The following ANKRD30B variants were observed in gnomAD, a reference collection of about 807,000 sequenced individuals.
ANKRD30B encodes ankyrin repeat domain-containing protein 30B.
ANKRD30B carries 144 observed loss-of-function variants against 202.2 expected under a neutral mutation model. The ratio of observed to expected loss-of-function variants is 0.71; its 90% confidence interval spans 0.62 to 0.82. ANKRD30B has a LOEUF of 0.82. Ranked by LOEUF, ANKRD30B falls within the 40% of genes least tolerant of loss-of-function variation. The pLI is 0.00. For missense variants in ANKRD30B, 1,487 were observed against 1,669.1 expected, an observed-to-expected ratio of 0.89 and a Z score of 1.90; for synonymous variants, 508 against 561.3, an observed-to-expected ratio of 0.91 and a Z score of 1.34.
At chr18:14,910,693 A>T in the ANKRD30B span, among the ~76,000 whole-genome samples, 1 of 152,026 alleles carries the variant, frequency 6.6e-6, no homozygotes, top group Non-Finnish European at 1.5e-5. Context: ...GTTATTTGAG[A>T]AATCTCCATT....
chr18:14,811,250 C>T (rs1222990664), intron 28 of ANKRD30B, among the ~76,000 whole-genome samples: 1 of 151,720 alleles, frequency 6.6e-6, no homozygotes, highest in African/African-American at 2.4e-5. Context: ...CTCGTTGTCT[C>T]GCCCAGGCTG....
chr18:14,869,386 G>T, the ANKRD30B span, among the ~76,000 whole-genome samples: 3 of 151,130 alleles, frequency 2.0e-5, no homozygotes, highest in Non-Finnish European at 3.0e-5. Context: ...TTCTTATGTT[G>T]TATGACAAGA....
At chr18:14,808,785 A>C in intron 26 of ANKRD30B, 41 bp downstream of exon 26, 1 of 1,411,122 alleles carries the variant, frequency 7.1e-7, no homozygotes, top group African/African-American at 1.5e-5. Context: ...AATTAAGAAT[A>C]TTAAACTATT....
At chr18:14,810,707 T>G (rs1310611629) in intron 28 of ANKRD30B, among the ~76,000 whole-genome samples, 1 of 151,182 alleles carries the variant, frequency 6.6e-6, no homozygotes, top group African/African-American at 2.4e-5. Flanking sequence ...GTTTTAGAAG[T>G]GTGACTCTAA....
At chr18:14,873,366 A>G in the ANKRD30B span, among the ~76,000 whole-genome samples, 2 of 152,014 alleles carry the variant, frequency 1.3e-5, no homozygotes, top group Admixed American at 1.3e-4. Flanking sequence ...TCTACTAAAA[A>G]TACAAAAAAT....
chr18:14,875,697 T>C, the ANKRD30B span, among the ~76,000 whole-genome samples: 1 of 152,232 alleles, frequency 6.6e-6, no homozygotes, highest in Non-Finnish European at 1.5e-5. Flanking sequence ...ACAATTTCAG[T>C]ATGACCTTGT....
chr18:14,873,805 A>G, the ANKRD30B span, among the ~76,000 whole-genome samples: 4 of 152,294 alleles, frequency 2.6e-5, no homozygotes, highest in Middle Eastern at 3.4e-3. Context: ...TGTGGGCAGC[A>G]GAGAACCACA....
the ANKRD30B span, among the ~76,000 whole-genome samples, chr18:14,911,511 T>C: frequency 6.6e-6 from 1 of 152,210 alleles, no homozygotes; most frequent in Admixed American, 6.5e-5. Context: ...ATTACCATGT[T>C]GTCTTGGTTA....
intron 15 of ANKRD30B, 58 bp downstream of exon 15, chr18:14,787,158 A>G: frequency 5.4e-6 from 8 of 1,474,278 alleles, no homozygotes; most frequent in Middle Eastern, 1.8e-4. Flanking sequence ...AAAACATAAA[A>G]TCAGATGCTT....
At chr18:14,899,705 C>T in the ANKRD30B span, among the ~76,000 whole-genome samples, 2 of 151,866 alleles carry the variant, frequency 1.3e-5, no homozygotes, top group African/African-American at 4.8e-5. Context: ...ACTGTAGTGA[C>T]CTGAAGAAAA....
At chr18:14,791,541 A>C (rs1353815831) in intron 16 of ANKRD30B, 50 bp downstream of exon 16, 3 of 1,420,540 alleles carry the variant, frequency 2.1e-6, no homozygotes, top group South Asian at 1.2e-5. Context: ...TATTTATCTA[A>C]ACTGATGAGG....
At chr18:14,917,006 C>G in the ANKRD30B span, among the ~76,000 whole-genome samples, 2 of 152,156 alleles carry the variant, frequency 1.3e-5, no homozygotes, top group Non-Finnish European at 2.9e-5. Context: ...ACGCTGGCCA[C>G]CAACTCAGCC....
At chr18:14,832,365 G>T (rs1598696013) in intron 34 of ANKRD30B, among the ~76,000 whole-genome samples, 1 of 152,156 alleles carries the variant, frequency 6.6e-6, no homozygotes, top group Non-Finnish European at 1.5e-5. Context: ...ACCAGTTCTG[G>T]AAGCAGAGAC....
intron 30 of ANKRD30B, among the ~76,000 whole-genome samples, chr18:14,821,459 G>A (rs1234845615): frequency 6.6e-6 from 1 of 151,778 alleles, no homozygotes; most frequent in African/African-American, 2.4e-5. Context: ...TGATGTTAGG[G>A]TGTTTTTTCT....
At chr18:14,917,603 A>C in the ANKRD30B span, among the ~76,000 whole-genome samples, 1 of 152,292 alleles carries the variant, frequency 6.6e-6, no homozygotes, top group Non-Finnish European at 1.5e-5. Flanking sequence ...TTCAGAGTCA[A>C]GTTTGAGCAG....
Position 14,752,864 on chromosome 18 carries a change from G to A in ANKRD30B, c.362G>A (p.Cys121Tyr), listed in dbSNP as rs756853799. 1.9e-6 allele frequency: 3 copies of A among 1,610,032 alleles called. No homozygotes were observed. In the Admixed American group the frequency reaches 5.0e-5, roughly 27 times the overall value. The change falls in exon 3 of 44, where the codon TGT becomes TAT. Residue 121 changes from cysteine (C) to tyrosine (Y), a missense_variant. Around this residue, in one of 6 missense-constraint regions of ANKRD30B, gnomAD observed 889 missense variants for 841.4 expected, o/e 1.06. Transcript: ENST00000690538. ...MKALQCEREA[C>Y]ANILIDAGAD... ...GCTCTACAATGCGAGAGGGAGGCTT[G>A]TGCAAATATTCTCATAGATGCTGGT... is the stretch of plus-strand genomic sequence containing the variant.
intron 30 of ANKRD30B, among the ~76,000 whole-genome samples, chr18:14,818,747 A>C (rs895219807): frequency 1.3e-5 from 2 of 151,842 alleles, no homozygotes; most frequent in Non-Finnish European, 2.9e-5. Context: ...ACATTTTCTT[A>C]ATCCAGTCTA....
the ANKRD30B span, among the ~76,000 whole-genome samples, chr18:14,936,533 G>A: frequency 2.8e-3 from 425 of 152,278 alleles, 1 homozygote; most frequent in African/African-American, 9.1e-3. Flanking sequence ...TACCTAGGGC[G>A]GAGGGTAGGG....
chr18:14,796,017 A>G (rs1968861390), intron 16 of ANKRD30B, among the ~76,000 whole-genome samples: 1 of 152,146 alleles, frequency 6.6e-6, no homozygotes, highest in African/African-American at 2.4e-5. Flanking sequence ...AAGTTTGATG[A>G]AGGTTATTTT....
Sources: gnomAD v4.1 joint callset for allele counts (sites outside exome capture counted in the v4.1 genomes callset) on GRCh38, gnomAD v4.1.1 for gene constraint, gnomAD v4.1.1 regional missense constraint, MANE v1.5 for transcripts, NCBI Gene and HGNC (gene_info 2026-07-23, HGNC 2026-07-21) for gene names.